Variants in GNB4 observed in about 807,000 individuals in gnomAD.
GNB4 encodes guanine nucleotide-binding protein subunit beta-4.
Under a neutral mutation model 45.2 loss-of-function variants are expected in GNB4, and 28 were observed. That is an observed-to-expected ratio of 0.62 (90% CI 0.46 to 0.85). The LOEUF is 0.85. Among genes scored for constraint, GNB4 ranks in the 40% least tolerant of loss-of-function variants. GNB4 has a pLI of 0.00. For synonymous variants in GNB4, 132 were observed against 143.7 expected (o/e 0.92, Z 0.58); for missense variants, 321 against 425.4 (o/e 0.75, Z 2.16).
the GNB4 span, among the ~76,000 whole-genome samples, chr3:179,503,597 G>C: frequency 6.6e-6 from 1 of 152,190 alleles, no homozygotes; most frequent in African/African-American, 2.4e-5. Flanking sequence ...CTCTAGCGGT[G>C]AATTAAGAAC....
chr3:179,527,164 G>C, the GNB4 span, among the ~76,000 whole-genome samples: 419 of 152,266 alleles, frequency 2.8e-3, no homozygotes, highest in Admixed American at 4.7e-3. Flanking sequence ...GGAGGGGAAG[G>C]GGGAGGGAAA....
At chr3:179,456,482 G>A in the GNB4 span, among the ~76,000 whole-genome samples, 9 of 151,950 alleles carry the variant, frequency 5.9e-5, no homozygotes, top group Non-Finnish European at 8.8e-5. Context: ...TTTCATTTAC[G>A]CTAATATGTT....
chr3:179,417,222 A>G (rs1165027578), intron 4 of GNB4, among the ~76,000 whole-genome samples: 1 of 152,194 alleles, frequency 6.6e-6, no homozygotes, highest in Non-Finnish European at 1.5e-5. Flanking sequence ...TGTAAGATCA[A>G]TGACAGGTAG....
intron 4 of GNB4, among the ~76,000 whole-genome samples, chr3:179,417,556 C>T (rs558020260): frequency 3.9e-5 from 6 of 152,090 alleles, no homozygotes; most frequent in African/African-American, 1.4e-4. Flanking sequence ...AACAGGTGTG[C>T]ACCACCACGA....
chr3:179,405,097 C>CCACTT, intron 9 of GNB4, 93 bp downstream of exon 9: 2 of 856,898 alleles, frequency 2.3e-6, no homozygotes, highest in Non-Finnish European at 3.6e-6. Context: ...CTTTCCACAA[C>CCACTT]TCCAAGATGT....
intron 1 of GNB4, among the ~76,000 whole-genome samples, chr3:179,433,123 A>C (rs1715351780): frequency 6.6e-6 from 1 of 151,930 alleles, no homozygotes; most frequent in Admixed American, 6.6e-5. Context: ...TAAAAACACG[A>C]AGTGATTACA....
chr3:179,489,035 TA>T, the GNB4 span, among the ~76,000 whole-genome samples: 3 of 74,446 alleles, frequency 4.0e-5, no homozygotes, highest in East Asian at 5.9e-4. Context: ...TATATATATA[TA>T]TATATATATA....
chr3:179,495,732 A>G, the GNB4 span, among the ~76,000 whole-genome samples: 1 of 152,270 alleles, frequency 6.6e-6, no homozygotes, highest in African/African-American at 2.4e-5. Flanking sequence ...GACTCTTTAA[A>G]TACAGAGGAA....
chr3:179,461,150 A>T, the GNB4 span, among the ~76,000 whole-genome samples: 1 of 152,062 alleles, frequency 6.6e-6, no homozygotes, highest in Non-Finnish European at 1.5e-5. Flanking sequence ...GGGCTGTTTC[A>T]AGGGCTTCTT....
the GNB4 span, among the ~76,000 whole-genome samples, chr3:179,490,912 G>A: frequency 6.6e-6 from 1 of 152,210 alleles, no homozygotes; most frequent in Admixed American, 6.5e-5. Flanking sequence ...ACCATCACAG[G>A]CTAAGAGCCT....
At chr3:179,442,577 T>G (rs1296098509) in intron 1 of GNB4, among the ~76,000 whole-genome samples, 2 of 152,156 alleles carry the variant, frequency 1.3e-5, no homozygotes, top group African/African-American at 4.8e-5. Context: ...TTTTTTTTTA[T>G]ACGACCACAT....
chr3:179,418,488 AG>A (rs869147463), intron 4 of GNB4, among the ~76,000 whole-genome samples: 42 of 144,560 alleles, frequency 2.9e-4, no homozygotes, highest in South Asian at 1.1e-3. Context: ...AAAAAAAAAA[AG>A]AAAAAAGAAA....
At chr3:179,466,174 C>A in the GNB4 span, among the ~76,000 whole-genome samples, 1 of 152,016 alleles carries the variant, frequency 6.6e-6, no homozygotes, top group African/African-American at 2.4e-5. Flanking sequence ...CCATGCCTGG[C>A]TGATTTTTGT....
intron 2 of GNB4, among the ~76,000 whole-genome samples, chr3:179,424,774 T>A (rs949201618): frequency 2.0e-5 from 3 of 152,026 alleles, no homozygotes; most frequent in Admixed American, 6.6e-5. Context: ...CCGGCTAACG[T>A]TTTTTTGTTT....
chr3:179,467,472 A>C, the GNB4 span, among the ~76,000 whole-genome samples: 2 of 152,210 alleles, frequency 1.3e-5, no homozygotes, highest in African/African-American at 4.8e-5. Context: ...TCTATGGACC[A>C]GGCACTACAC....
chr3:179,411,839 T>C (rs1714661949), intron 8 of GNB4, among the ~76,000 whole-genome samples: 1 of 152,208 alleles, frequency 6.6e-6, no homozygotes, highest in East Asian at 1.9e-4. Context: ...CCCAAAAATG[T>C]CTTGTTATAA....
the GNB4 span, among the ~76,000 whole-genome samples, chr3:179,507,420 G>A: frequency 6.6e-6 from 1 of 152,148 alleles, no homozygotes; most frequent in Admixed American, 6.6e-5. Flanking sequence ...AGGGAAGAAG[G>A]AGGAAGGAAG....
At chr3:179,507,782 G>T in the GNB4 span, among the ~76,000 whole-genome samples, 1 of 152,130 alleles carries the variant, frequency 6.6e-6, no homozygotes, top group East Asian at 1.9e-4. Context: ...ACAGCACTTT[G>T]TACAATCTTG....
the GNB4 span, among the ~76,000 whole-genome samples, chr3:179,479,216 C>T: frequency 1.1e-3 from 171 of 152,154 alleles, no homozygotes; most frequent in Non-Finnish European, 1.4e-3. Context: ...TATCAAGTTG[C>T]GTATGTACTA....
Sources: gnomAD v4.1 joint callset for allele counts (sites outside exome capture counted in the v4.1 genomes callset) on GRCh38, gnomAD v4.1.1 for gene constraint, MANE v1.5 for transcripts, NCBI Gene and HGNC (gene_info 2026-07-23, HGNC 2026-07-21) for gene names.